TTC28: variants seen among roughly 807,000 people sequenced by gnomAD.
The protein encoded by TTC28 is tetratricopeptide repeat protein 28.
In TTC28, 61 loss-of-function variants were observed where a neutral mutation model predicts 198.0. That is an observed-to-expected ratio of 0.31 (90% CI 0.25 to 0.38). The LOEUF (loss-of-function observed/expected upper bound fraction) is 0.38. TTC28 is among the 10% of genes least tolerant of loss of function. The pLI, the probability that TTC28 is intolerant of heterozygous loss-of-function variation, is 1.00. For synonymous variants in TTC28, 1,171 were observed against 1,297.8 expected (o/e 0.90, Z 2.10); for missense variants, 2,678 against 3,164.0 (o/e 0.85, Z 3.69).
At chr22:28,123,907 C>T (rs1161375121) in intron 6 of TTC28, among the ~76,000 whole-genome samples, 2 of 151,978 alleles carry the variant, frequency 1.3e-5, no homozygotes, top group Non-Finnish European at 1.5e-5. Flanking sequence ...TGCTTGAACC[C>T]GGGAGGCAGA....
chr22:28,548,554 C>T (rs1231498928), intron 2 of TTC28, among the ~76,000 whole-genome samples: 2 of 152,144 alleles, frequency 1.3e-5, no homozygotes, highest in East Asian at 3.9e-4. Flanking sequence ...TTAACAGCAC[C>T]ATTTCTTACT....
At chr22:28,012,092 G>A (rs1387375233) in intron 14 of TTC28, among the ~76,000 whole-genome samples, 2 of 152,204 alleles carry the variant, frequency 1.3e-5, no homozygotes, top group African/African-American at 4.8e-5. Flanking sequence ...CAGGAGGGAA[G>A]GCTGGTAGTA....
intron 5 of TTC28, among the ~76,000 whole-genome samples, chr22:28,224,181 G>T (rs965295476): frequency 2.0e-4 from 30 of 152,154 alleles, no homozygotes; most frequent in Non-Finnish European, 7.3e-5. Context: ...CATGTTAGCA[G>T]TGCTGAGGTG....
rs10689151 is a variant in TTC28, at chr22:28,199,530, C to CATATATATATATATATATATAT, written c.934-35932_934-35931insATATATATATATATATATATAT. 4.7e-3 allele frequency among the ~76,000 whole-genome samples: 650 copies of CATATATATATATATATATATAT among 138,780 alleles called. 3 individuals are homozygous for CATATATATATATATATATATAT. The highest frequency in any genetic ancestry group is 6.1e-3 in the Admixed American group (85 of 13,896). The allele number at this position is 138,780 out of a possible 152,430, so 91.0% of individuals were successfully genotyped here. ...CTCTTCAAAAAAAGAAATACCTATA[C>CATATATATATATATATATATAT]ATATATATATATATATATACACACA... On this transcript the variant is annotated intron_variant, in intron 5 of 22. Coordinates refer to ENST00000397906, the MANE Select transcript of TTC28 (RefSeq NM_001145418.2).
At chr22:28,212,298 G>A in intron 5 of TTC28, among the ~76,000 whole-genome samples, 1 of 151,890 alleles carries the variant, frequency 6.6e-6, no homozygotes, top group East Asian at 1.9e-4. Context: ...GAAGGAGATA[G>A]AGACACAAAA....
At chr22:28,104,190 T>C (rs914990619) in intron 8 of TTC28, among the ~76,000 whole-genome samples, 1 of 152,168 alleles carries the variant, frequency 6.6e-6, no homozygotes, top group Non-Finnish European at 1.5e-5. Flanking sequence ...TGCCCAACCC[T>C]ACTCTGCAAC....
At chr22:28,534,864 A>G (rs1251371905) in intron 2 of TTC28, among the ~76,000 whole-genome samples, 2 of 151,954 alleles carry the variant, frequency 1.3e-5, no homozygotes, top group Non-Finnish European at 2.9e-5. Context: ...TTGAACAATG[A>G]GAACACTTGG....
chr22:28,086,575 T>C (rs957530640), intron 12 of TTC28, among the ~76,000 whole-genome samples: 1 of 151,990 alleles, frequency 6.6e-6, no homozygotes, highest in Non-Finnish European at 1.5e-5. Context: ...AGATCCAAAA[T>C]TGACACCCTA....
Position 28,491,603 on chromosome 22 carries a change from G to A in TTC28, c.381+137949C>T, listed in dbSNP as rs1201982160. On this transcript the variant is annotated intron_variant, in intron 2 of 22. Transcript: ENST00000397906. ...TAGAATGGCGATCATTAAAAAGTCAGGAAACAACAGGTGCTGGAGAGGATG... is the reference window on the plus strand; with the variant it reads ...TAGAATGGCGATCATTAAAAAGTCAAGAAACAACAGGTGCTGGAGAGGATG... Among the ~76,000 whole-genome samples the A allele has an allele frequency of 2.6e-5, 4 of 152,136 alleles. No homozygotes were observed. The East Asian group carries it at 7.7e-4, about 29-fold the overall frequency.
At position 28,625,783 on chromosome 22, in the gene TTC28, A is replaced by T. The variant is rs569540419; in HGVS notation, c.381+3769T>A. On this transcript the variant is annotated intron_variant, in intron 2 of 22. Coordinates refer to ENST00000397906, the MANE Select transcript of TTC28 (RefSeq NM_001145418.2). Reference sequence around the variant, plus strand: ...GGTTGGAAGACTTACAATACCTAATAATCAGACTTACCATACATCTATAGT... The same window carrying T: ...GGTTGGAAGACTTACAATACCTAATTATCAGACTTACCATACATCTATAGT... Among the ~76,000 whole-genome samples, 4 of 152,298 alleles carry T rather than the reference A, an allele frequency of 2.6e-5. No individual in the cohort carries two copies. In the East Asian group the frequency reaches 7.7e-4, roughly 29 times the overall value.
chr22:28,320,789 T>A (rs2045433618), intron 2 of TTC28, among the ~76,000 whole-genome samples: 1 of 152,212 alleles, frequency 6.6e-6, no homozygotes, highest in Admixed American at 6.5e-5. Context: ...TTTGGACCTC[T>A]GATTCTGGGT....
intron 5 of TTC28, among the ~76,000 whole-genome samples, chr22:28,167,055 A>G (rs547797624): frequency 2.6e-5 from 4 of 152,118 alleles, no homozygotes; most frequent in Admixed American, 2.6e-4. Flanking sequence ...TCTACGCAAA[A>G]AAACTAGAAA....
At chr22:28,536,216 A>AAAAAAAAAAAAT in intron 2 of TTC28, among the ~76,000 whole-genome samples, 1 of 92,954 alleles carries the variant, frequency 1.1e-5, no homozygotes, top group Non-Finnish European at 2.5e-5. Flanking sequence ...AAAAAAAAAA[A>AAAAAAAAAAAAT]AAAACATAAA....
chr22:28,429,684 TTCTC>T (rs1480615852), intron 2 of TTC28, among the ~76,000 whole-genome samples: 1 of 152,186 alleles, frequency 6.6e-6, no homozygotes, highest in Non-Finnish European at 1.5e-5. Flanking sequence ...CCACTTCAAT[TTCTC>T]TCTGTCTTAA....
At chr22:28,188,034 T>C (rs1002564234) in intron 5 of TTC28, among the ~76,000 whole-genome samples, 11 of 152,154 alleles carry the variant, frequency 7.2e-5, no homozygotes, top group African/African-American at 2.4e-4. Context: ...ATGTGCTAGG[T>C]CCGGGAAATA....
At chr22:28,267,120 G>C (rs950739969) in intron 5 of TTC28, among the ~76,000 whole-genome samples, 4 of 152,292 alleles carry the variant, frequency 2.6e-5, no homozygotes, top group African/African-American at 9.6e-5. Context: ...TTGATCTCTA[G>C]GTGCATGTGG....
At chr22:28,071,323 G>A (rs923343188) in intron 12 of TTC28, among the ~76,000 whole-genome samples, 1 of 151,412 alleles carries the variant, frequency 6.6e-6, no homozygotes, top group African/African-American at 2.4e-5. Context: ...CAAAGACTTG[G>A]AACCAACCCA....
chr22:28,261,201 G>T (rs924216678), intron 5 of TTC28, among the ~76,000 whole-genome samples: 1 of 152,118 alleles, frequency 6.6e-6, no homozygotes, highest in Admixed American at 6.6e-5. Flanking sequence ...CAGTATTCTA[G>T]GTTCTGGGTA....
intron 2 of TTC28, among the ~76,000 whole-genome samples, chr22:28,599,391 T>C (rs773129856): frequency 1.3e-5 from 2 of 152,246 alleles, no homozygotes; most frequent in Non-Finnish European, 2.9e-5. Flanking sequence ...TGCTTTGCTA[T>C]GACACCATTT....
Sources: allele counts gnomAD v4.1 joint callset (sites outside exome capture counted in the v4.1 genomes callset), GRCh38; gene constraint gnomAD v4.1.1; transcripts MANE v1.5; gene names NCBI Gene and HGNC (gene_info 2026-07-23, HGNC 2026-07-21).